Variants in PAG1 observed in about 807,000 individuals in gnomAD.
PAG1 encodes phosphoprotein associated with glycosphingolipid-enriched microdomains 1.
PAG1 carries 23 observed loss-of-function variants against 31.7 expected under a neutral mutation model. That is an observed-to-expected ratio of 0.73 (90% CI 0.52 to 1.03). The LOEUF is 1.03. Ranked by LOEUF, PAG1 falls within the 50% of genes least tolerant of loss-of-function variation. The pLI is 0.00. For missense variants in PAG1, 473 were observed against 540.7 expected, an observed-to-expected ratio of 0.87 and a Z score of 1.24; for synonymous variants, 214 against 210.3, an observed-to-expected ratio of 1.02 and a Z score of -0.15.
At chr8:80,984,595 GT>G (rs1807374569) in intron 7 of PAG1, among the ~76,000 whole-genome samples, 180 bp downstream of exon 7, 1 of 152,184 alleles carries the variant, frequency 6.6e-6, no homozygotes, top group African/African-American at 2.4e-5. Flanking sequence ...ATAAATACAA[GT>G]TTTTGGTATT....
chr8:81,036,689 A>G (rs759094361), intron 2 of PAG1, among the ~76,000 whole-genome samples: 75 of 152,284 alleles, frequency 4.9e-4, no homozygotes, highest in Admixed American at 9.2e-4. Flanking sequence ...TCTTGTTTTC[A>G]TCAGCCGCTC....
chr8:80,977,651 A>G (rs1435541175), intron 8 of PAG1, among the ~76,000 whole-genome samples: 1 of 152,150 alleles, frequency 6.6e-6, no homozygotes, highest in Non-Finnish European at 1.5e-5. Context: ...TTCAGTGGGA[A>G]AACTCATTCT....
intron 7 of PAG1, among the ~76,000 whole-genome samples, chr8:80,983,445 G>A (rs1281055633): frequency 6.6e-6 from 1 of 152,186 alleles, no homozygotes; most frequent in African/African-American, 2.4e-5. Flanking sequence ...TCATGTACAT[G>A]TTTTGTTTCC....
chr8:81,024,803 C>A (rs577037129), intron 3 of PAG1, among the ~76,000 whole-genome samples: 2 of 152,296 alleles, frequency 1.3e-5, no homozygotes, highest in South Asian at 4.2e-4. Flanking sequence ...ATCATATTAA[C>A]CATGAAGGAT....
chr8:81,061,701 T>C (rs1331384229), intron 2 of PAG1, among the ~76,000 whole-genome samples: 3 of 152,152 alleles, frequency 2.0e-5, no homozygotes, highest in East Asian at 3.9e-4. Context: ...TAGCACCTTG[T>C]AGGTGAAGAC....
At chr8:81,045,201 G>A (rs1373474255) in intron 2 of PAG1, among the ~76,000 whole-genome samples, 1 of 152,184 alleles carries the variant, frequency 6.6e-6, no homozygotes, top group Non-Finnish European at 1.5e-5. Flanking sequence ...CTCATGTAAT[G>A]AGGTAGAGTA....
intron 3 of PAG1, among the ~76,000 whole-genome samples, chr8:81,009,978 A>G (rs1807952873): frequency 6.6e-6 from 1 of 152,208 alleles, no homozygotes; most frequent in Admixed American, 6.5e-5. Context: ...TAGATCAGGA[A>G]TGGGGCCTTG....
At chr8:81,100,171 C>T (rs576590186) in intron 1 of PAG1, among the ~76,000 whole-genome samples, 2 of 152,326 alleles carry the variant, frequency 1.3e-5, no homozygotes, top group South Asian at 2.1e-4. Context: ...TCACAGCATA[C>T]ATCACATCAA....
intron 1 of PAG1, among the ~76,000 whole-genome samples, chr8:81,098,725 C>G (rs567276449): frequency 1.3e-5 from 2 of 152,346 alleles, no homozygotes; most frequent in Admixed American, 1.3e-4. Context: ...CATAACACAT[C>G]TGTACCTGGC....
In PAG1 at chr8:80,990,935, A is replaced by G. The variant is rs939211271; in HGVS notation, c.177+544T>C. ...CTACAGTAGGGTGGGCACTAGTCCA[A>G]TATGTCTGGTGTCTTTATAAAATGG... On this transcript the variant is annotated intron_variant, in intron 5 of 8. Coordinates refer to ENST00000220597, the MANE Select transcript of PAG1 (RefSeq NM_018440.4). This position sits in a 1 kb window ranked among gnomAD's most constrained non-coding sequence, Gnocchi z 5.1. 6.6e-6 allele frequency among the ~76,000 whole-genome samples: 1 copy of G among 152,028 alleles called. No individual in the cohort carries two copies. Among genetic ancestry groups the G allele is most frequent in the Non-Finnish European group, 1.5e-5 (1 of 68,016 alleles).
Position 80,970,744 on chromosome 8 carries a change from G to T in PAG1, c.*5800C>A, listed in dbSNP as rs553456319. 6.5e-6 allele frequency: 1 copy of T among 153,168 alleles called. No individual in the cohort carries two copies. Among genetic ancestry groups the T allele is most frequent in the Non-Finnish European group, 1.5e-5 (1 of 68,176 alleles). The allele number at this position is 153,168 out of a possible 1,614,324, so 9.5% of individuals were successfully genotyped here. On this transcript the variant is annotated 3_prime_UTR_variant, in exon 9 of 9. Transcript: ENST00000220597. ...CAGTGTACATGTTTTGGCAAAAGTCGTGACAAATAGCACCAGCATCTGCCG... is the reference window on the plus strand; with the variant it reads ...CAGTGTACATGTTTTGGCAAAAGTCTTGACAAATAGCACCAGCATCTGCCG...
intron 1 of PAG1, among the ~76,000 whole-genome samples, chr8:81,082,465 T>C (rs1179366777): frequency 6.6e-6 from 1 of 152,142 alleles, no homozygotes; most frequent in African/African-American, 2.4e-5. Context: ...TTCTGTTAAA[T>C]GTGGCAAGTC....
rs1807393369 is a variant in PAG1, at chr8:80,985,235, C to T, written c.417G>A (p.Glu139=). 2 of 1,614,132 alleles carry T rather than the reference C, an allele frequency of 1.2e-6. No homozygotes were observed. Among genetic ancestry groups the T allele is most frequent in the East Asian group, 4.5e-5 (2 of 44,884 alleles). Residue 139 remains glutamate (E), a synonymous_variant, in exon 7 of 9, where the codon GAG becomes GAA. Coordinates refer to ENST00000220597, the MANE Select transcript of PAG1 (RefSeq NM_018440.4). ...QSRELPRIPP[E]SAVDTMLTAR... ...CCGTGAGCATGGTATCCACTGCGCT[C>T]TCGGGAGGGATTCTGGGCAGCTCCC...
chr8:80,983,770 T>C (rs1293321242), intron 7 of PAG1, among the ~76,000 whole-genome samples: 1 of 152,236 alleles, frequency 6.6e-6, no homozygotes, highest in Non-Finnish European at 1.5e-5. Context: ...ATCAGGTTTA[T>C]GGTCTTTGGT....
intron 8 of PAG1, 33 bp from the exon 9 acceptor site, chr8:80,976,939 C>A: frequency 5.1e-6 from 8 of 1,561,060 alleles, no homozygotes; most frequent in Non-Finnish European, 6.9e-6. Flanking sequence ...AATAAACTTC[C>A]AGCTGTGACT....
chr8:81,095,736 A>T (rs1488713626), intron 1 of PAG1, among the ~76,000 whole-genome samples: 3 of 152,210 alleles, frequency 2.0e-5, no homozygotes, highest in African/African-American at 7.2e-5. Context: ...CATACTAGGT[A>T]CTCAATAAAT....
intron 2 of PAG1, among the ~76,000 whole-genome samples, chr8:81,050,878 C>T (rs953823536): frequency 2.6e-5 from 4 of 152,242 alleles, no homozygotes; most frequent in African/African-American, 9.6e-5. Flanking sequence ...CACAAACTCA[C>T]TGCCTTCAGC....
chr8:80,986,851 CAAT>C (rs1290298370), intron 6 of PAG1, among the ~76,000 whole-genome samples: 2 of 152,090 alleles, frequency 1.3e-5, no homozygotes, highest in East Asian at 3.9e-4. Context: ...AGGGAGAGGC[CAAT>C]GGATTCTCCT....
rs1586130048 is a variant in PAG1, at chr8:80,971,343, G to A, written c.*5201C>T. The stretch of plus-strand genomic sequence containing the variant: ...TCACTTTTGGTGTAACTATTTTTAT[G>A]AGGAAAAAACATTAACAATGAAATG... On this transcript the variant is annotated 3_prime_UTR_variant, in exon 9 of 9. Transcript: ENST00000220597. 1 of 152,140 alleles carries A rather than the reference G, an allele frequency of 6.6e-6. No individual in the cohort carries two copies. The highest frequency in any genetic ancestry group is 2.1e-4 in the South Asian group (1 of 4,828). The allele number at this position is 152,140 out of a possible 1,614,324, so 9.4% of individuals were successfully genotyped here. A position where few individuals can be genotyped will look rare whatever the true frequency, so the allele number is the denominator to read the frequency against.
Sources: allele counts gnomAD v4.1 joint callset (sites outside exome capture counted in the v4.1 genomes callset), GRCh38; gene constraint gnomAD v4.1.1; non-coding constraint Gnocchi (gnomAD v3.1); transcripts MANE v1.5; gene names NCBI Gene and HGNC (gene_info 2026-07-23, HGNC 2026-07-21).